Variants in CAMTA1 observed in about 807,000 individuals in gnomAD.
CAMTA1 encodes calmodulin-binding transcription activator 1.
CAMTA1 carries 27 observed loss-of-function variants against 170.9 expected under a neutral mutation model. The observed-to-expected ratio is 0.16, with a 90% CI of 0.12 to 0.22. The LOEUF (loss-of-function observed/expected upper bound fraction) is 0.22. Ranked by LOEUF, CAMTA1 falls within the 10% of genes least tolerant of loss-of-function variation. The pLI, the probability that CAMTA1 is intolerant of heterozygous loss-of-function variation, is 1.00. For missense variants in CAMTA1, 1,619 were observed against 2,217.2 expected, an observed-to-expected ratio of 0.73 and a Z score of 5.42; for synonymous variants, 833 against 891.5, an observed-to-expected ratio of 0.93 and a Z score of 1.17.
At chr1:7,660,098 G>A (rs903003498) in intron 7 of CAMTA1, among the ~76,000 whole-genome samples, 16 of 152,246 alleles carry the variant, frequency 1.1e-4, no homozygotes, top group African/African-American at 3.9e-4. Context: ...TTTTGAGACA[G>A]AGTTTTGCTC....
In CAMTA1 at chr1:7,156,989, G is replaced by A. The variant is rs551384895; in HGVS notation, c.302+65618G>A. 1.4e-4 allele frequency among the ~76,000 whole-genome samples: 22 copies of A among 152,186 alleles called. No individual in the cohort carries two copies. In the South Asian group the frequency reaches 4.6e-3, roughly 32 times the overall value. On this transcript the variant is annotated intron_variant, in intron 4 of 22. Coordinates refer to ENST00000303635, the MANE Select transcript of CAMTA1 (RefSeq NM_015215.4). ...CCTCTCTGTTCCCAAGAAAATCAGG[G>A]ATCAGAAAGAATTTTTATGCAGAAA...
chr1:6,856,475 G>A (rs1417532112), intron 3 of CAMTA1, among the ~76,000 whole-genome samples: 2 of 152,064 alleles, frequency 1.3e-5, no homozygotes, highest in East Asian at 1.9e-4. Context: ...TAGGCTGATA[G>A]GACAGTCAGT....
At chr1:7,605,805 C>G (rs558151417) in intron 6 of CAMTA1, among the ~76,000 whole-genome samples, 26 of 152,296 alleles carry the variant, frequency 1.7e-4, no homozygotes, top group Middle Eastern at 3.4e-3. Flanking sequence ...TGGAGCTGTT[C>G]CTATTTGGTC....
At chr1:6,936,496 C>T (rs1685327404) in intron 3 of CAMTA1, among the ~76,000 whole-genome samples, 1 of 151,800 alleles carries the variant, frequency 6.6e-6, no homozygotes, top group African/African-American at 2.4e-5. Context: ...GTAAATGGAG[C>T]TAACTCAGGG....
At position 7,737,014 on chromosome 1, in the gene CAMTA1, G is replaced by C; in HGVS notation, c.3342+5G>C. The C allele has an allele frequency of 6.2e-7, 1 of 1,604,702 alleles. No individual in the cohort carries two copies. On this transcript the variant is annotated splice_donor_5th_base_variant and intron_variant, in intron 14 of 22. Coordinates refer to ENST00000303635, the MANE Select transcript of CAMTA1 (RefSeq NM_015215.4). ...CACTTCTCCTGTACTCCTCTGGTAA[G>C]GAATGGATTCCTGTAGCCCCCCCTT...
At chr1:7,327,918 A>G (rs2082789899) in intron 5 of CAMTA1, among the ~76,000 whole-genome samples, 2 of 152,138 alleles carry the variant, frequency 1.3e-5, no homozygotes, top group Admixed American at 1.3e-4. Context: ...GTTTTGCTGA[A>G]TATACAGTTT....
Position 7,426,690 on chromosome 1 carries a change from A to ACTC in CAMTA1, c.439-41138_439-41137insCCT, listed in dbSNP as rs34404799. Among the ~76,000 whole-genome samples, 33,546 of 151,966 alleles carry ACTC rather than the reference A, an allele frequency of 0.22. 4,338 individuals carry two copies. The highest frequency in any genetic ancestry group is 0.53 in the East Asian group (2,705 of 5,140). On this transcript the variant is annotated intron_variant, in intron 5 of 22. Coordinates refer to ENST00000303635, the MANE Select transcript of CAMTA1 (RefSeq NM_015215.4). This position sits in a 1 kb window ranked among gnomAD's most constrained non-coding sequence, Gnocchi z 4.8. ...TTGGGGCGGGGGAAAGGTGGAGAAA[A>ACTC]CTTCGCTCACCGCATTTGGGCAGGA...
At chr1:7,452,910 T>C (rs2092861994) in intron 5 of CAMTA1, among the ~76,000 whole-genome samples, 3 of 152,248 alleles carry the variant, frequency 2.0e-5, no homozygotes, top group Admixed American at 1.3e-4. Context: ...GCTAATCCTA[T>C]GTTTAACTTT....
chr1:7,046,709 T>C (rs1003477895), intron 3 of CAMTA1, among the ~76,000 whole-genome samples: 1 of 152,092 alleles, frequency 6.6e-6, no homozygotes, highest in Non-Finnish European at 1.5e-5. Context: ...GGGGCAAGAG[T>C]GTGAGTTTTG....
intron 3 of CAMTA1, among the ~76,000 whole-genome samples, chr1:6,919,717 G>A (rs1681579363): frequency 6.6e-6 from 1 of 152,206 alleles, no homozygotes; most frequent in African/African-American, 2.4e-5. Context: ...GAATGAGGAG[G>A]CCTCACAATC....
Position 7,230,111 on chromosome 1 carries a change from TC to T in CAMTA1, c.303-19372del, listed in dbSNP as rs199856770. ...ACCCAGAAAGCCGGTTCCTAGGGTG[TC>T]CCCCCCCACCACATCTGGGGAAAGC... On this transcript the variant is annotated intron_variant, in intron 4 of 22. Coordinates refer to ENST00000303635, the MANE Select transcript of CAMTA1 (RefSeq NM_015215.4). 4.0e-4 allele frequency among the ~76,000 whole-genome samples: 60 copies of T among 150,246 alleles called. 1 individual carries two copies. In the East Asian group the frequency reaches 7.3e-3, roughly 18 times the overall value.
At chr1:6,796,243 A>G (rs1198831400) in intron 1 of CAMTA1, among the ~76,000 whole-genome samples, 4 of 142,188 alleles carry the variant, frequency 2.8e-5, no homozygotes, top group Non-Finnish European at 4.5e-5. Context: ...TCTTGGGCTC[A>G]GGTGATCCCT....
chr1:7,525,595 G>A (rs554482963), intron 6 of CAMTA1, among the ~76,000 whole-genome samples: 2 of 152,194 alleles, frequency 1.3e-5, no homozygotes, highest in Admixed American at 1.3e-4. Flanking sequence ...GCATCATCAG[G>A]CCAGCTCCTG....
chr1:7,434,022 G>A (rs567641812), intron 5 of CAMTA1, among the ~76,000 whole-genome samples: 8 of 152,158 alleles, frequency 5.3e-5, no homozygotes, highest in Admixed American at 2.0e-4. Context: ...TGCCTGCTTC[G>A]CCCTGTCCCC....
Position 6,988,951 on chromosome 1 carries a change from C to G in CAMTA1, c.235-102353C>G, listed in dbSNP as rs139678314. 4.3e-3 allele frequency among the ~76,000 whole-genome samples: 660 copies of G among 152,322 alleles called. 6 individuals carry two copies. Among genetic ancestry groups the G allele is most frequent in the African/African-American group, 0.015 (634 of 41,560 alleles). ...GAGCCAATCCGAGGCAGAGACTCAA[C>G]CCTGCTCCTGGTAGTTTTCTTTGAA... is the stretch of plus-strand genomic sequence containing the variant. On this transcript the variant is annotated intron_variant, in intron 3 of 22. Transcript: ENST00000303635.
chr1:6,858,476 G>T, intron 3 of CAMTA1, among the ~76,000 whole-genome samples: 1 of 113,038 alleles, frequency 8.8e-6, no homozygotes, highest in South Asian at 2.8e-4. Context: ...GGTGGTGTGT[G>T]TGTGTGTGTT....
At chr1:7,398,578 C>T (rs1464603578) in intron 5 of CAMTA1, among the ~76,000 whole-genome samples, 1 of 151,894 alleles carries the variant, frequency 6.6e-6, no homozygotes, top group East Asian at 1.9e-4. Context: ...TATCTTTTAC[C>T]TGGGAAACTT....
At chr1:7,004,692 A>G (rs1407525873) in intron 3 of CAMTA1, among the ~76,000 whole-genome samples, 1 of 152,172 alleles carries the variant, frequency 6.6e-6, no homozygotes, top group Non-Finnish European at 1.5e-5. Context: ...CATCCTCCTC[A>G]AAGACAACCA....
At chr1:7,449,540 C>T (rs776086668) in intron 5 of CAMTA1, among the ~76,000 whole-genome samples, 62 of 152,158 alleles carry the variant, frequency 4.1e-4, no homozygotes, top group Middle Eastern at 3.4e-3. Flanking sequence ...AAGGCCAAGG[C>T]GGGCGGATCA....
Sources: gnomAD v4.1 joint callset for allele counts (sites outside exome capture counted in the v4.1 genomes callset) on GRCh38, gnomAD v4.1.1 for gene constraint, Gnocchi (gnomAD v3.1) non-coding constraint, MANE v1.5 for transcripts, NCBI Gene and HGNC (gene_info 2026-07-23, HGNC 2026-07-21) for gene names.